Variants in PPP1R9A observed in about 807,000 individuals in gnomAD.
PPP1R9A encodes the protein protein phosphatase 1 regulatory subunit 9A, also known as neurabin-1.
In PPP1R9A, 59 loss-of-function variants were observed where a neutral mutation model predicts 141.9. The observed-to-expected ratio is 0.42, with a 90% confidence interval of 0.34 to 0.52. PPP1R9A has a LOEUF of 0.52. Among genes scored for constraint, PPP1R9A ranks in the 20% least tolerant of loss-of-function variants. PPP1R9A has a pLI of 0.10. For synonymous variants in PPP1R9A, 500 were observed against 569.7 expected, an observed-to-expected ratio of 0.88 and a Z score of 1.74; for missense variants, 1,444 against 1,611.9, an observed-to-expected ratio of 0.90 and a Z score of 1.78.
chr7:95,154,319 A>AT (rs1829225063), intron 4 of PPP1R9A, among the ~76,000 whole-genome samples: 1 of 151,848 alleles, frequency 6.6e-6, no homozygotes, highest in Non-Finnish European at 1.5e-5. Context: ...GTATTTGTAC[A>AT]TTTTTTAAAA....
At chr7:95,226,382 G>T (rs1160954321) in intron 8 of PPP1R9A, among the ~76,000 whole-genome samples, 2 of 152,160 alleles carry the variant, frequency 1.3e-5, no homozygotes, top group Non-Finnish European at 2.9e-5. Context: ...TGATGTTTAA[G>T]TTATATTTTT....
chr7:95,258,049 G>A (rs1286417343), intron 12 of PPP1R9A, among the ~76,000 whole-genome samples: 7 of 152,056 alleles, frequency 4.6e-5, no homozygotes, highest in African/African-American at 9.7e-5. Flanking sequence ...GGATGGCTGG[G>A]TCAAATGGTA....
intron 2 of PPP1R9A, among the ~76,000 whole-genome samples, chr7:95,061,643 G>T (rs1205194453): frequency 6.6e-6 from 1 of 152,224 alleles, no homozygotes; most frequent in East Asian, 1.9e-4. Flanking sequence ...GGTTGAGGTG[G>T]GAGGATTGCT....
chr7:95,242,321 T>C (rs763995297), intron 8 of PPP1R9A, among the ~76,000 whole-genome samples: 15 of 152,164 alleles, frequency 9.9e-5, no homozygotes, highest in Admixed American at 2.0e-4. Context: ...TATTAGTTAT[T>C]GATTTGCTTT....
intron 2 of PPP1R9A, among the ~76,000 whole-genome samples, chr7:95,023,617 G>A (rs538859532): frequency 2.6e-5 from 4 of 152,100 alleles, no homozygotes; most frequent in Admixed American, 2.0e-4. Flanking sequence ...GCAGTGGCGC[G>A]ATCTTGGCTC....
intron 2 of PPP1R9A, among the ~76,000 whole-genome samples, chr7:95,008,488 T>C (rs1293845858): frequency 1.3e-5 from 2 of 152,176 alleles, no homozygotes; most frequent in South Asian, 2.1e-4. Flanking sequence ...ATCCACACTT[T>C]AATGGCTCAG....
rs182107456 is a variant in PPP1R9A at position 94,923,620 on chromosome 7, A to G, written c.1395+12112A>G. Among the ~76,000 whole-genome samples, 226 of 152,318 alleles carry G rather than the reference A, an allele frequency of 1.5e-3. 1 individual carries two copies. Among genetic ancestry groups the G allele is most frequent in the Non-Finnish European group, 2.6e-3 (178 of 68,022 alleles). On this transcript the variant is annotated intron_variant, in intron 2 of 19. Transcript: ENST00000433360. ...TTTCCTGTTGTTCCTCTTAAAAAAC[A>G]TATTAGTTGAAAAGAGATTCATTTG...
chr7:95,238,015 G>A (rs897033286), intron 8 of PPP1R9A, among the ~76,000 whole-genome samples: 4 of 151,690 alleles, frequency 2.6e-5, no homozygotes, highest in East Asian at 3.9e-4. Flanking sequence ...TTATTACCTT[G>A]ACTTATTTTG....
intron 2 of PPP1R9A, among the ~76,000 whole-genome samples, chr7:94,917,568 G>T (rs1340212210): frequency 7.0e-6 from 1 of 143,240 alleles, no homozygotes; most frequent in African/African-American, 2.5e-5. Context: ...CACCATGCCT[G>T]TTATTATTTT....
chr7:94,948,123 G>T (rs1341743274), intron 2 of PPP1R9A, among the ~76,000 whole-genome samples: 1 of 151,982 alleles, frequency 6.6e-6, no homozygotes, highest in Non-Finnish European at 1.5e-5. Flanking sequence ...CCAAGAGCAG[G>T]TCTTTCATAT....
intron 4 of PPP1R9A, among the ~76,000 whole-genome samples, chr7:95,140,225 C>CT (rs1826403142): frequency 6.6e-6 from 1 of 152,084 alleles, no homozygotes; most frequent in Non-Finnish European, 1.5e-5. Flanking sequence ...GGAAGAATGA[C>CT]TAACAAAGGG....
intron 4 of PPP1R9A, among the ~76,000 whole-genome samples, chr7:95,137,926 C>CTT: frequency 6.9e-6 from 1 of 145,192 alleles, no homozygotes; most frequent in African/African-American, 2.6e-5. Flanking sequence ...AGTTGACTTT[C>CTT]TTTTTTTCTT....
intron 2 of PPP1R9A, among the ~76,000 whole-genome samples, chr7:95,006,419 G>A (rs776701300): frequency 1.3e-5 from 2 of 151,728 alleles, no homozygotes; most frequent in Non-Finnish European, 2.9e-5. Context: ...GGGTTTTACC[G>A]TGTTGGCCAG....
intron 12 of PPP1R9A, 59 bp from the exon 13 acceptor site, chr7:95,268,491 G>T: frequency 6.3e-7 from 1 of 1,582,904 alleles, no homozygotes; most frequent in Non-Finnish European, 8.6e-7. Flanking sequence ...AGTGTCTGTG[G>T]TCTCTTCATC....
At chr7:94,954,780 G>GTTATT (rs1213427764) in intron 2 of PPP1R9A, among the ~76,000 whole-genome samples, 1 of 148,838 alleles carries the variant, frequency 6.7e-6, no homozygotes, top group Non-Finnish European at 1.5e-5. Flanking sequence ...AGGGAGCTTA[G>GTTATT]TTATTTTTAA....
At chr7:95,022,309 G>A (rs909590149) in intron 2 of PPP1R9A, among the ~76,000 whole-genome samples, 2 of 152,088 alleles carry the variant, frequency 1.3e-5, no homozygotes, top group African/African-American at 2.4e-5. Context: ...TGTGATTTTT[G>A]CAACTTGATT....
chr7:95,034,904 G>A (rs1037051082), intron 2 of PPP1R9A, among the ~76,000 whole-genome samples: 1 of 152,138 alleles, frequency 6.6e-6, no homozygotes. Flanking sequence ...TTCTATAGCA[G>A]ATGAGACCTA....
chr7:95,073,471 TGTCTCTTTTATAACTTAATAACA>T (rs1373323592), intron 2 of PPP1R9A, among the ~76,000 whole-genome samples: 1 of 152,066 alleles, frequency 6.6e-6, no homozygotes, highest in Non-Finnish European at 1.5e-5. Flanking sequence ...TGATTTTGCC[TGTCTCTTTTATAACTTAATAACA>T]CATTTGCAGC....
rs1806423855 is a variant in PPP1R9A at position 95,291,980 on chromosome 7, C to A, written c.*1677C>A. The A allele has an allele frequency of 6.6e-6, 1 of 152,016 alleles. No homozygotes were observed. 9.4% of individuals were successfully genotyped at this position (152,016 alleles called of 1,614,324 possible). Reference sequence around the variant, plus strand: ...TTATCTAAACTGGACATTTTTAATTCTGTTTTACCCCCAAGGCCTGTTTTC... The same window carrying A: ...TTATCTAAACTGGACATTTTTAATTATGTTTTACCCCCAAGGCCTGTTTTC... On this transcript the variant is annotated 3_prime_UTR_variant, in exon 20 of 20. Coordinates refer to ENST00000433360, the MANE Select transcript of PPP1R9A (RefSeq NM_001166160.2).
Sources: gnomAD v4.1 joint callset for allele counts (sites outside exome capture counted in the v4.1 genomes callset) on GRCh38, gnomAD v4.1.1 for gene constraint, MANE v1.5 for transcripts, NCBI Gene and HGNC (gene_info 2026-07-23, HGNC 2026-07-21) for gene names.